Variants in CSMD3 observed in about 807,000 individuals in gnomAD.
CSMD3 encodes CUB and sushi domain-containing protein 3.
In CSMD3, 177 loss-of-function variants were observed where a neutral mutation model predicts 435.2. The ratio of observed to expected loss-of-function variants is 0.41; its 90% CI spans 0.36 to 0.46. CSMD3 has a LOEUF of 0.46. Ranked by LOEUF, CSMD3 falls within the 20% of genes least tolerant of loss-of-function variation. The probability of loss-of-function intolerance (pLI) is 0.34; values close to 1 mark genes in which losing one functional copy is unlikely to be tolerated. For missense variants in CSMD3, 4,265 were observed against 4,504.6 expected (o/e 0.95, Z 1.52); for synonymous variants, 1,656 against 1,520.5 (o/e 1.09, Z -2.07).
In CSMD3 at chr8:113,095,710, C is replaced by A. The variant is rs1402325027; in HGVS notation, c.917+3046G>T. On this transcript the variant is annotated intron_variant, in intron 5 of 70. Coordinates refer to ENST00000297405, the MANE Select transcript of CSMD3 (RefSeq NM_198123.2). ...CAATAATACAACAAAATGATACATA[C>A]AGTTTAAAAACTATGTACAAAGCAT... 1.3e-5 allele frequency among the ~76,000 whole-genome samples: 2 copies of A among 152,080 alleles called. 1 individual carries two copies. Among genetic ancestry groups the A allele is most frequent in the Middle Eastern group, 6.8e-3 (2 of 294 alleles).
intron 13 of CSMD3, among the ~76,000 whole-genome samples, chr8:112,743,834 C>T (rs978481529): frequency 6.6e-6 from 1 of 151,910 alleles, no homozygotes; most frequent in Non-Finnish European, 1.5e-5. Flanking sequence ...TTGCATACCT[C>T]ATGGAATATG....
intron 32 of CSMD3, among the ~76,000 whole-genome samples, chr8:112,469,456 A>T (rs2130734230): frequency 6.6e-6 from 1 of 151,996 alleles, no homozygotes; most frequent in East Asian, 1.9e-4. Flanking sequence ...CACTGAGTGT[A>T]TTTGACAGAC....
At chr8:113,011,856 G>A (rs1422347405) in intron 6 of CSMD3, among the ~76,000 whole-genome samples, 1 of 151,692 alleles carries the variant, frequency 6.6e-6, no homozygotes, top group African/African-American at 2.4e-5. Context: ...GATTATTAAT[G>A]TTTGATTATT....
At chr8:112,794,160 T>C (rs547924416) in intron 13 of CSMD3, among the ~76,000 whole-genome samples, 79 of 152,012 alleles carry the variant, frequency 5.2e-4, no homozygotes, top group African/African-American at 1.8e-3. Flanking sequence ...AGCAAGTTAT[T>C]AATATTAAAA....
At chr8:112,376,304 A>G (rs1487623063) in intron 38 of CSMD3, among the ~76,000 whole-genome samples, 1 of 152,174 alleles carries the variant, frequency 6.6e-6, no homozygotes, top group Non-Finnish European at 1.5e-5. Context: ...GACATATGGT[A>G]GGTGTTCAAA....
At chr8:112,602,089 A>G (rs576210308) in intron 22 of CSMD3, among the ~76,000 whole-genome samples, 98 of 152,310 alleles carry the variant, frequency 6.4e-4, no homozygotes, top group Non-Finnish European at 1.1e-3. Context: ...TAATGAAATG[A>G]TAAGGAAGCA....
intron 32 of CSMD3, among the ~76,000 whole-genome samples, chr8:112,453,666 T>C (rs772119208): frequency 1.3e-5 from 2 of 152,166 alleles, no homozygotes; most frequent in Non-Finnish European, 2.9e-5. Flanking sequence ...AGGGTCAATA[T>C]TGTTAAAATG....
intron 56 of CSMD3, among the ~76,000 whole-genome samples, chr8:112,290,018 A>G (rs1426777317): frequency 6.6e-6 from 1 of 152,116 alleles, no homozygotes; most frequent in South Asian, 2.1e-4. Flanking sequence ...AGATTCAATG[A>G]AGATTGATCT....
intron 2 of CSMD3, chr8:113,309,583 A>G (rs2093851310): frequency 6.6e-6 from 1 of 152,180 alleles, no homozygotes; most frequent in African/African-American, 2.4e-5. Flanking sequence ...TGTTTTTAAC[A>G]TTTCTAATCC....
intron 46 of CSMD3, 131 bp from the exon 47 acceptor site, chr8:112,319,081 A>T (rs1822745023): frequency 1.5e-6 from 1 of 685,344 alleles, no homozygotes; most frequent in Non-Finnish European, 2.6e-6. Context: ...TATTAGGTAT[A>T]AGTAGGAGTT....
At chr8:113,258,812 A>G (rs182963006) in intron 3 of CSMD3, among the ~76,000 whole-genome samples, 4 of 152,124 alleles carry the variant, frequency 2.6e-5, no homozygotes, top group Non-Finnish European at 4.4e-5. Flanking sequence ...TTAGGAGTCT[A>G]GTGTAGTAGT....
At chr8:112,645,948 G>A (rs1563806850) in intron 19 of CSMD3, among the ~76,000 whole-genome samples, 1 of 152,112 alleles carries the variant, frequency 6.6e-6, no homozygotes, top group Non-Finnish European at 1.5e-5. Context: ...ATTCTAGTGT[G>A]AGCAGAGAAT....
chr8:113,252,471 G>T lies in CSMD3; in HGVS notation c.514+26121C>A, dbSNP rs557733229. Among the ~76,000 whole-genome samples, 21 of 151,490 alleles carry T rather than the reference G, an allele frequency of 1.4e-4. No homozygotes were observed. The South Asian group carries it at 2.5e-3, about 18-fold the overall frequency. On this transcript the variant is annotated intron_variant, in intron 3 of 70. Coordinates refer to ENST00000297405, the MANE Select transcript of CSMD3 (RefSeq NM_198123.2). ...CAAATTTTATGTATTTTTTTTTACC[G>T]TTTTCTTCAATCTTCTCCTTTAGAA...
In CSMD3 at chr8:112,224,834, C is replaced by T. The variant is rs879134387; in HGVS notation, c.11061G>A (p.Lys3687=). 2 of 1,614,110 alleles carry T rather than the reference C, an allele frequency of 1.2e-6. No homozygotes were observed. The highest frequency in any genetic ancestry group is 4.5e-5 in the East Asian group (2 of 44,872). Residue 3687 remains lysine, a synonymous_variant, in exon 71 of 71, where the codon AAG becomes AAA. Transcript: ENST00000297405. ...ATCGTACCGCCTTCCCTTCCACTGA[C>T]TTTGCGTTGGTGTCATACATGGGAT... ...FENPMYDTNA[K]SVEGKAVRFD... is the part of the protein sequence containing the mutation.
rs936570462 is a variant in CSMD3, at chr8:112,760,122, A to G, written c.1972+40040T>C. Among the ~76,000 whole-genome samples the G allele has an allele frequency of 2.0e-5, 3 of 152,166 alleles. No individual in the cohort carries two copies. In the East Asian group the frequency reaches 5.8e-4, roughly 29 times the overall value. ...CACACTCCCAAAACACTATTCTATA[A>G]TCAATTTTGCTAAAAATTTTCAGAA... On this transcript the variant is annotated intron_variant, in intron 13 of 70. Coordinates refer to ENST00000297405, the MANE Select transcript of CSMD3 (RefSeq NM_198123.2).
intron 68 of CSMD3, 148 bp from the exon 69 acceptor site, chr8:112,231,780 T>G: frequency 1.6e-6 from 1 of 640,402 alleles, no homozygotes; most frequent in Non-Finnish European, 2.8e-6. Context: ...ATATAGCACA[T>G]TGTGAAAATT....
At chr8:112,990,359 T>C (rs1005786421) in intron 6 of CSMD3, among the ~76,000 whole-genome samples, 1 of 151,836 alleles carries the variant, frequency 6.6e-6, no homozygotes, top group Non-Finnish European at 1.5e-5. Context: ...ACAAAGAGAA[T>C]TGTGAGAAAT....
At chr8:112,596,192 C>T (rs1255838488) in intron 22 of CSMD3, among the ~76,000 whole-genome samples, 5 of 149,630 alleles carry the variant, frequency 3.3e-5, no homozygotes, top group African/African-American at 1.2e-4. Flanking sequence ...AATTGGAAAA[C>T]AAAAAAAGGC....
At chr8:113,240,599 CAT>C (rs980917456) in intron 3 of CSMD3, among the ~76,000 whole-genome samples, 43 of 152,176 alleles carry the variant, frequency 2.8e-4, no homozygotes, top group Admixed American at 1.7e-3. Flanking sequence ...AAAGAAAACC[CAT>C]ATGTTTATCT....
Sources: allele counts gnomAD v4.1 joint callset (sites outside exome capture counted in the v4.1 genomes callset), GRCh38; gene constraint gnomAD v4.1.1; transcripts MANE v1.5; gene names NCBI Gene and HGNC (gene_info 2026-07-23, HGNC 2026-07-21).